The following MAPKAP1 variants were observed in gnomAD, a reference collection of about 807,000 sequenced individuals.
The protein encoded by MAPKAP1 is target of rapamycin complex 2 subunit MAPKAP1.
Under a neutral mutation model 65.7 loss-of-function variants are expected in MAPKAP1, and 20 were observed. That is an observed-to-expected ratio of 0.30 (90% confidence interval 0.21 to 0.44). The LOEUF (loss-of-function observed/expected upper bound fraction) is 0.44. Ranked by LOEUF, MAPKAP1 falls within the 20% of genes least tolerant of loss-of-function variation. The pLI is 1.00. For synonymous variants in MAPKAP1, 222 were observed against 244.3 expected (o/e 0.91, Z 0.85); for missense variants, 423 against 648.0 (o/e 0.65, Z 3.77).
intron 4 of MAPKAP1, among the ~76,000 whole-genome samples, chr9:125,649,711 A>C (rs530288609): frequency 8.6e-5 from 13 of 151,710 alleles, no homozygotes; most frequent in Non-Finnish European, 1.6e-4. Context: ...AAAAAGATGT[A>C]CAGTGTCTTC....
chr9:125,481,502 A>T (rs1854316105), intron 9 of MAPKAP1, among the ~76,000 whole-genome samples: 1 of 151,718 alleles, frequency 6.6e-6, no homozygotes, highest in Non-Finnish European at 1.5e-5. Flanking sequence ...AGCTCACTGC[A>T]GCCTTGACCT....
chr9:125,649,046 A>G (rs1833815307), intron 4 of MAPKAP1, among the ~76,000 whole-genome samples: 1 of 152,216 alleles, frequency 6.6e-6, no homozygotes, highest in East Asian at 1.9e-4. Flanking sequence ...TTCTCTGGAT[A>G]GAGGTCTTCA....
At chr9:125,514,736 TTGGTGAGATTCTTC>T (rs1471122109) in intron 7 of MAPKAP1, among the ~76,000 whole-genome samples, 3 of 152,130 alleles carry the variant, frequency 2.0e-5, no homozygotes, top group Non-Finnish European at 2.9e-5. Flanking sequence ...GCTTTATATT[TTGGTGAGATTCTTC>T]TGGTGGCACT....
intron 4 of MAPKAP1, among the ~76,000 whole-genome samples, chr9:125,603,077 TC>T (rs1333229582): frequency 1.3e-5 from 2 of 148,504 alleles, no homozygotes; most frequent in African/African-American, 4.9e-5. Context: ...TTTCTTTCTT[TC>T]TTTTTTTTTT....
chr9:125,499,848 GTGGTAGTGTGTGCCC>G (rs1450642145), intron 8 of MAPKAP1, among the ~76,000 whole-genome samples: 1 of 152,114 alleles, frequency 6.6e-6, no homozygotes. Context: ...CTAGCCAGGT[GTGGTAGTGTGTGCCC>G]GTAATCATGG....
chr9:125,583,079 A>G (rs1314955751), intron 5 of MAPKAP1, among the ~76,000 whole-genome samples: 1 of 152,232 alleles, frequency 6.6e-6, no homozygotes, highest in Non-Finnish European at 1.5e-5. Flanking sequence ...TTCTATTTCT[A>G]GTCCACCAGG....
chr9:125,585,834 A>G (rs2131579893), intron 4 of MAPKAP1, 107 bp from the exon 5 acceptor site: 2 of 1,054,012 alleles, frequency 1.9e-6, no homozygotes, highest in East Asian at 4.9e-5. Context: ...CTTGCTCTAC[A>G]GACCTACTGT....
chr9:125,682,525 C>T (rs1834854434), intron 1 of MAPKAP1, among the ~76,000 whole-genome samples: 1 of 152,208 alleles, frequency 6.6e-6, no homozygotes, highest in Non-Finnish European at 1.5e-5. Flanking sequence ...TTCAAACCTG[C>T]CAACATTTCC....
intron 11 of MAPKAP1, among the ~76,000 whole-genome samples, chr9:125,443,857 C>A (rs1014063990): frequency 6.6e-6 from 1 of 152,110 alleles, no homozygotes; most frequent in African/African-American, 2.4e-5. Flanking sequence ...CATACCTCCA[C>A]CCCAAGTCAG....
At chr9:125,541,936 C>T (rs983872668) in intron 7 of MAPKAP1, among the ~76,000 whole-genome samples, 9 of 152,236 alleles carry the variant, frequency 5.9e-5, no homozygotes, top group East Asian at 3.9e-4. Context: ...AAAGCCGAAA[C>T]GTGCAGTTGG....
chr9:125,698,891 A>G (rs1316114316), intron 1 of MAPKAP1, among the ~76,000 whole-genome samples: 1 of 152,216 alleles, frequency 6.6e-6, no homozygotes, highest in Non-Finnish European at 1.5e-5. Context: ...TTTACAAAAC[A>G]CAACAGAAAT....
intron 3 of MAPKAP1, 109 bp downstream of exon 3, chr9:125,669,709 A>C: frequency 1.9e-6 from 1 of 532,198 alleles, no homozygotes; most frequent in East Asian, 3.5e-5. Context: ...AAAACACTAG[A>C]GGTATCTAAG....
intron 1 of MAPKAP1, among the ~76,000 whole-genome samples, chr9:125,685,696 T>C (rs1022597301): frequency 3.3e-5 from 5 of 152,244 alleles, no homozygotes; most frequent in African/African-American, 1.2e-4. Flanking sequence ...GGTTTTCTCT[T>C]CTAAACTTCT....
chr9:125,505,081 C>G (rs779824634), intron 8 of MAPKAP1, among the ~76,000 whole-genome samples: 2 of 152,170 alleles, frequency 1.3e-5, no homozygotes, highest in Non-Finnish European at 2.9e-5. Context: ...GCTGCAGTGG[C>G]TCACATCTAT....
intron 1 of MAPKAP1, among the ~76,000 whole-genome samples, chr9:125,680,429 CTCTT>C (rs1160693095): frequency 1.3e-5 from 2 of 152,080 alleles, no homozygotes; most frequent in Non-Finnish European, 2.9e-5. Context: ...GCTTTTAAAT[CTCTT>C]TCTCTAACTC....
At chr9:125,688,731 C>T (rs1835065121) in intron 1 of MAPKAP1, among the ~76,000 whole-genome samples, 2 of 152,096 alleles carry the variant, frequency 1.3e-5, no homozygotes, top group African/African-American at 4.8e-5. Context: ...CCGTAAGACC[C>T]TCATCTCTTA....
chr9:125,681,885 C>T (rs1193781835), intron 1 of MAPKAP1, among the ~76,000 whole-genome samples: 2 of 152,110 alleles, frequency 1.3e-5, no homozygotes, highest in African/African-American at 2.4e-5. Context: ...ATCCTCCCAC[C>T]CCAGCCTGGG....
At chr9:125,633,865 G>A (rs1398768145) in intron 4 of MAPKAP1, among the ~76,000 whole-genome samples, 1 of 152,174 alleles carries the variant, frequency 6.6e-6, no homozygotes, top group Non-Finnish European at 1.5e-5. Flanking sequence ...GATATTATAT[G>A]CACTTTCTAT....
At chr9:125,667,294 T>C (rs772554589) in intron 3 of MAPKAP1, among the ~76,000 whole-genome samples, 13 of 152,184 alleles carry the variant, frequency 8.5e-5, no homozygotes, top group African/African-American at 2.7e-4. Context: ...AAGGGACTGA[T>C]GCACCTATAT....
Sources: allele counts gnomAD v4.1 joint callset (sites outside exome capture counted in the v4.1 genomes callset), GRCh38; gene constraint gnomAD v4.1.1; transcripts MANE v1.5; gene names NCBI Gene and HGNC (gene_info 2026-07-23, HGNC 2026-07-21).